NEBL: variants seen among roughly 807,000 people sequenced by gnomAD.
The protein encoded by NEBL is nebulette.
NEBL carries 122 observed loss-of-function variants against 140.2 expected under a neutral mutation model. That is an observed-to-expected ratio of 0.87 (90% CI 0.75 to 1.01). NEBL has a LOEUF of 1.01. Among genes scored for constraint, NEBL ranks in the 50% least tolerant of loss-of-function variants. The pLI is 0.00. For synonymous variants in NEBL, 436 were observed against 398.9 expected (o/e 1.09, Z -1.11); for missense variants, 1,365 against 1,231.3 (o/e 1.11, Z -1.62).
chr10:21,097,826 T>C (rs313787), intron 2 of NEBL, among the ~76,000 whole-genome samples: 42,852 of 152,064 alleles, frequency 0.28, 7,548 homozygotes, highest in African/African-American at 0.5. Context: ...AATGAAGACA[T>C]TGGACTTTTT....
chr10:20,827,513 T>C (rs968610690), intron 17 of NEBL, among the ~76,000 whole-genome samples: 1 of 152,256 alleles, frequency 6.6e-6, no homozygotes, highest in Non-Finnish European at 1.5e-5. Flanking sequence ...CTTCCTTAAC[T>C]ATTAATGACT....
intron 3 of NEBL, among the ~76,000 whole-genome samples, chr10:21,185,820 G>A (rs933985393): frequency 1.3e-5 from 2 of 152,044 alleles, no homozygotes; most frequent in African/African-American, 4.8e-5. Flanking sequence ...CTTTTCCTCA[G>A]ACCCTGTGGC....
At chr10:20,851,216 GT>G (rs1263627729) in intron 10 of NEBL, among the ~76,000 whole-genome samples, 2 of 152,012 alleles carry the variant, frequency 1.3e-5, no homozygotes, top group African/African-American at 2.4e-5. Context: ...ACTCATAGAA[GT>G]TTTTATACTT....
At chr10:21,142,756 A>C (rs1179412150) in intron 2 of NEBL, among the ~76,000 whole-genome samples, 3 of 152,136 alleles carry the variant, frequency 2.0e-5, no homozygotes, top group African/African-American at 7.2e-5. Context: ...TCACAGGAGC[A>C]TGGCCCCTGC....
At chr10:20,798,060 C>T (rs1348449302) in intron 26 of NEBL, among the ~76,000 whole-genome samples, 3 of 151,540 alleles carry the variant, frequency 2.0e-5, no homozygotes, top group African/African-American at 7.3e-5. Flanking sequence ...TAGGATTGTG[C>T]CCCTGCACTC....
chr10:21,062,515 A>T (rs1374326176), intron 2 of NEBL, among the ~76,000 whole-genome samples: 9 of 151,842 alleles, frequency 5.9e-5, no homozygotes, highest in African/African-American at 2.2e-4. Flanking sequence ...ATTAAAAAAT[A>T]AAAAATAAAA....
At chr10:21,137,096 G>T (rs1191198045) in intron 2 of NEBL, among the ~76,000 whole-genome samples, 3 of 152,156 alleles carry the variant, frequency 2.0e-5, no homozygotes, top group Non-Finnish European at 2.9e-5. Context: ...TTAAAGCATG[G>T]TCGTTGGTCT....
intron 12 of NEBL, among the ~76,000 whole-genome samples, chr10:20,841,163 A>G (rs941889033): frequency 1.3e-5 from 2 of 152,092 alleles, no homozygotes; most frequent in Non-Finnish European, 2.9e-5. Context: ...CGTGTTCCTT[A>G]TTAATTGTTA....
At chr10:21,109,560 T>C (rs1346784334) in intron 2 of NEBL, among the ~76,000 whole-genome samples, 2 of 152,218 alleles carry the variant, frequency 1.3e-5, no homozygotes, top group Admixed American at 1.3e-4. Context: ...ATTGGAATGG[T>C]TTCAGAAGGA....
intron 4 of NEBL, among the ~76,000 whole-genome samples, chr10:20,923,113 G>C (rs1833673785): frequency 6.6e-6 from 1 of 151,788 alleles, no homozygotes; most frequent in Non-Finnish European, 1.5e-5. Context: ...CTGTCACCCA[G>C]GCTGGAGTGC....
chr10:21,099,691 A>C lies in NEBL; in HGVS notation c.164+72692T>G, dbSNP rs138371852. ...ATGAGTGGCCAGCACATGTTCTTCC[A>C]TTTTATCTCCATGAAAGGATGGAAG... On this transcript the variant is annotated intron_variant, in intron 2 of 6. Transcript: ENST00000417816. 5.3e-4 allele frequency among the ~76,000 whole-genome samples: 81 copies of C among 152,256 alleles called. 1 individual carries two copies. The East Asian group carries it at 0.014, about 27-fold the overall frequency.
At chr10:21,196,271 G>A (rs1490604374) in intron 3 of NEBL, among the ~76,000 whole-genome samples, 1 of 151,348 alleles carries the variant, frequency 6.6e-6, no homozygotes, top group Non-Finnish European at 1.5e-5. Flanking sequence ...CAAAGTGCTG[G>A]GATTATAGGC....
At chr10:21,055,365 G>T (rs4747430) in intron 2 of NEBL, among the ~76,000 whole-genome samples, 1 of 151,870 alleles carries the variant, frequency 6.6e-6, no homozygotes, top group African/African-American at 2.4e-5. Flanking sequence ...GCTAATTCAC[G>T]CACCCCAAAG....
chr10:20,799,801 TATTTTCTTCTTCTTAA>T (rs2131686798), intron 26 of NEBL, among the ~76,000 whole-genome samples: 1 of 152,302 alleles, frequency 6.6e-6, no homozygotes, highest in Non-Finnish European at 1.5e-5. Flanking sequence ...ATCAGGAGTG[TATTTTCTTCTTCTTAA>T]ATAAAGCTCA....
intron 3 of NEBL, among the ~76,000 whole-genome samples, chr10:21,195,845 A>T (rs1841639765): frequency 6.6e-6 from 1 of 152,204 alleles, no homozygotes; most frequent in Non-Finnish European, 1.5e-5. Flanking sequence ...GCTATTTGAT[A>T]TTAATTACAA....
intron 9 of NEBL, among the ~76,000 whole-genome samples, chr10:20,858,001 A>G (rs889508088): frequency 6.6e-6 from 1 of 152,142 alleles, no homozygotes; most frequent in African/African-American, 2.4e-5. Context: ...CACTGTGCAG[A>G]CACTTTGAAG....
At chr10:21,060,742 A>C (rs1366722451) in intron 2 of NEBL, among the ~76,000 whole-genome samples, 4 of 151,612 alleles carry the variant, frequency 2.6e-5, no homozygotes, top group Non-Finnish European at 4.4e-5. Flanking sequence ...TTTCAATCTA[A>C]TTCTCATCCT....
intron 3 of NEBL, among the ~76,000 whole-genome samples, chr10:20,987,004 C>T (rs1334526276): frequency 6.6e-6 from 1 of 152,084 alleles, no homozygotes; most frequent in Non-Finnish European, 1.5e-5. Context: ...TGTAAAGCAT[C>T]GTTATTTGAA....
At chr10:21,076,545 G>C (rs182710468) in intron 2 of NEBL, among the ~76,000 whole-genome samples, 1 of 146,700 alleles carries the variant, frequency 6.8e-6, no homozygotes, top group East Asian at 2.1e-4. Context: ...GGGAACTCAA[G>C]CAAATATTTA....
Sources: gnomAD v4.1 joint callset for allele counts (sites outside exome capture counted in the v4.1 genomes callset) on GRCh38, gnomAD v4.1.1 for gene constraint, MANE v1.5 for transcripts, NCBI Gene and HGNC (gene_info 2026-07-23, HGNC 2026-07-21) for gene names.